TRPV1: variants seen among roughly 807,000 people sequenced by gnomAD.
The protein encoded by TRPV1 is transient receptor potential cation channel subfamily V member 1.
A neutral mutation model predicts 82.3 loss-of-function variants in TRPV1; 82 were observed. The observed-to-expected ratio is 1.00, with a 90% CI of 0.83 to 1.20. The LOEUF is 1.20. Among genes scored for constraint, TRPV1 ranks in the 50% most tolerant of loss-of-function variants. The pLI, the probability that TRPV1 is intolerant of heterozygous loss-of-function variation, is 0.00. For synonymous variants in TRPV1, 515 were observed against 467.7 expected (o/e 1.10, Z -1.30); for missense variants, 1,067 against 1,096.8 (o/e 0.97, Z 0.38).
intron 11 of TRPV1, among the ~76,000 whole-genome samples, chr17:3,579,648 G>A (rs1422009715): frequency 2.0e-5 from 3 of 151,992 alleles, no homozygotes; most frequent in African/African-American, 4.8e-5. Flanking sequence ...CCTAATTTTT[G>A]TATTTTTAGT....
intron 10 of TRPV1, among the ~76,000 whole-genome samples, chr17:3,581,992 C>G (rs904703904): frequency 6.9e-6 from 1 of 145,898 alleles, no homozygotes; most frequent in Non-Finnish European, 1.5e-5. Flanking sequence ...AGATCGAGAC[C>G]ATCCTGGCTA....
intron 7 of TRPV1, among the ~76,000 whole-genome samples, chr17:3,589,580 C>T (rs896066379): frequency 2.6e-5 from 4 of 152,198 alleles, no homozygotes; most frequent in Non-Finnish European, 5.9e-5. Context: ...TGTCTTGTTG[C>T]TGATACTCAG....
At chr17:3,590,438 G>C (rs1170858285) in intron 5 of TRPV1, 46 bp from the exon 6 acceptor site, 1 of 1,599,304 alleles carries the variant, frequency 6.3e-7, no homozygotes, top group East Asian at 2.2e-5. Context: ...GGTCCTGTGG[G>C]GCTGCCGGGA....
At chr17:3,595,678 C>T (rs1223581082) in intron 2 of TRPV1, 1 of 152,260 alleles carries the variant, frequency 6.6e-6, no homozygotes, top group Non-Finnish European at 1.5e-5. Context: ...TAGCCGGAGC[C>T]TCCCATGAAC....
At chr17:3,580,398 T>A in intron 11 of TRPV1, 59 bp downstream of exon 11, 1 of 1,579,754 alleles carries the variant, frequency 6.3e-7, no homozygotes. Flanking sequence ...AGACCTCAAG[T>A]GAGAACTGAT....
In TRPV1 at chr17:3,592,090, T is replaced by C. The variant is rs201938892; in HGVS notation, c.261A>G (p.Pro87=). The C allele has an allele frequency of 6.1e-4, 990 of 1,613,290 alleles. No individual in the cohort carries two copies. Among genetic ancestry groups the C allele is most frequent in the Non-Finnish European group, 8.1e-4 (960 of 1,179,636 alleles). The change falls in exon 3 of 17, where the codon CCA becomes CCG. Residue 87 remains proline, a synonymous_variant. Transcript: ENST00000572705. The stretch of plus-strand genomic sequence containing the variant: ...ACCTGGCACCGGTGGGGCCGTCTCC[T>C]GGCCTCTGGATGGTGATAACAGGGC... ...TVSPVITIQR[P]GDGPTGARLL...
At chr17:3,589,072 G>T in intron 7 of TRPV1, 1 of 1,042,890 alleles carries the variant, frequency 9.6e-7, no homozygotes, top group Non-Finnish European at 1.4e-6. Context: ...GATCACTTGA[G>T]GCCAAGAGCT....
rs1025561117 is a variant in TRPV1 at position 3,589,590 on chromosome 17, G to C, written c.1044+217C>G. Among the ~76,000 whole-genome samples the C allele has an allele frequency of 9.2e-5, 14 of 152,266 alleles. 3 individuals are homozygous for C. Among genetic ancestry groups the C allele is most frequent in the East Asian group, 1.9e-4 (1 of 5,186 alleles). ...CCCCATGTCTTGTTGCTGATACTCA[G>C]AGCTGGAAATTCAAAATGGCACGTT... On this transcript the variant is annotated intron_variant, in intron 7 of 16. Transcript: ENST00000572705.
chr17:3,568,464 G>A (rs1399001208), intron 16 of TRPV1, among the ~76,000 whole-genome samples: 1 of 152,216 alleles, frequency 6.6e-6, no homozygotes, highest in Non-Finnish European at 1.5e-5. Flanking sequence ...TGCAGGGATT[G>A]CTTCCAACTA....
intron 7 of TRPV1, 28 bp from the exon 8 acceptor site, chr17:3,588,395 G>C: frequency 6.5e-7 from 1 of 1,547,574 alleles, no homozygotes; most frequent in South Asian, 1.2e-5. Context: ...GAGCCCGTCA[G>C]AGGCCAGCCC....
Position 3,585,865 on chromosome 17 carries a change from C to G in TRPV1, c.1286G>C (p.Arg429Thr), listed in dbSNP as rs778043334. 1 of 1,614,042 alleles carries G rather than the reference C, an allele frequency of 6.2e-7. No homozygotes were observed. Among genetic ancestry groups the G allele is most frequent in the Non-Finnish European group, 8.5e-7 (1 of 1,179,890 alleles). The change falls in exon 9 of 17, where the codon AGA (arginine) becomes ACA (threonine). Residue 429 changes from arginine to threonine, a missense_variant. Arg to Thr is a moderately conservative substitution (Grantham distance 71, BLOSUM62 -1). Coordinates refer to ENST00000572705, the MANE Select transcript of TRPV1 (RefSeq NM_080704.4). ...GAAGTAGAAGATGCGCTTGACGAATCTGTCCCACTTGTCCTGCAGGAGTCG... is the reference window on the plus strand; with the variant it reads ...GAAGTAGAAGATGCGCTTGACGAATGTGTCCCACTTGTCCTGCAGGAGTCG... Reference protein sequence around the residue: ...LNRLLQDKWDRFVKRIFYFNF... With the variant: ...LNRLLQDKWDTFVKRIFYFNF...
chr17:3,574,054 G>T, intron 13 of TRPV1, 99 bp from the exon 14 acceptor site: 1 of 1,071,618 alleles, frequency 9.3e-7, no homozygotes, highest in Non-Finnish European at 1.3e-6. Flanking sequence ...AAATAACTTT[G>T]TGACAAGTTA....
chr17:3,603,708 G>A (rs1243437035), intron 2 of TRPV1, among the ~76,000 whole-genome samples: 2 of 152,266 alleles, frequency 1.3e-5, no homozygotes, highest in East Asian at 1.9e-4. Flanking sequence ...CCATTAGCTC[G>A]AAGTTATGAC....
Position 3,582,189 on chromosome 17 carries a change from C to CAAAAAAAAAAAAAAAA in TRPV1, c.1476+1133_1476+1148dup, listed in dbSNP as rs71153376. Among the ~76,000 whole-genome samples, 53 of 25,914 alleles carry CAAAAAAAAAAAAAAAA rather than the reference C, an allele frequency of 2.0e-3. 5 individuals are homozygous for CAAAAAAAAAAAAAAAA. The highest frequency in any genetic ancestry group is 6.4e-3 in the East Asian group (2 of 312). 17.0% of individuals were successfully genotyped at this position (25,914 alleles called of 152,430 possible). ...TGGGCGAAAGAGTGAGACTCCATCT[C>CAAAAAAAAAAAAAAAA]AAAAAAAAAAAAAAAAAAAAAAAAA... On this transcript the variant is annotated intron_variant, in intron 10 of 16. Coordinates refer to ENST00000572705, the MANE Select transcript of TRPV1 (RefSeq NM_080704.4).
intron 16 of TRPV1, among the ~76,000 whole-genome samples, chr17:3,569,088 AG>A (rs1428975940): frequency 6.8e-6 from 1 of 146,630 alleles, no homozygotes; most frequent in Non-Finnish European, 1.5e-5. Flanking sequence ...AGACACAGGA[AG>A]GGGGACATCA....
At chr17:3,593,535 A>G (rs1282140379) in intron 2 of TRPV1, among the ~76,000 whole-genome samples, 1 of 151,792 alleles carries the variant, frequency 6.6e-6, no homozygotes, top group Non-Finnish European at 1.5e-5. Context: ...CTCTATTCCC[A>G]TCGGGTCTCC....
At chr17:3,602,091 T>G (rs760886975) in intron 2 of TRPV1, 2 of 152,220 alleles carry the variant, frequency 1.3e-5, no homozygotes, top group East Asian at 3.8e-4. Flanking sequence ...GTTCATGAGG[T>G]GAGTACAATT....
At chr17:3,576,145 C>A (rs1168937464) in intron 13 of TRPV1, among the ~76,000 whole-genome samples, 3 of 151,804 alleles carry the variant, frequency 2.0e-5, no homozygotes, top group Non-Finnish European at 2.9e-5. Context: ...TCACTTGAAC[C>A]CTGGAAGTGG....
At chr17:3,592,561 G>A (rs556690488) in intron 2 of TRPV1, 178 bp from the exon 3 acceptor site, 13 of 663,032 alleles carry the variant, frequency 2.0e-5, no homozygotes, top group African/African-American at 1.8e-4. Flanking sequence ...CACCCCAGAG[G>A]CCTCAGAGGT....
Sources: allele counts gnomAD v4.1 joint callset (sites outside exome capture counted in the v4.1 genomes callset), GRCh38; gene constraint gnomAD v4.1.1; transcripts MANE v1.5; gene names NCBI Gene and HGNC (gene_info 2026-07-23, HGNC 2026-07-21).